ATRX: variants seen among roughly 807,000 people sequenced by gnomAD.
ATRX encodes chromatin remodeler ATRX.
In ATRX, 12 loss-of-function variants were observed where a neutral mutation model predicts 172.6. The observed-to-expected ratio is 0.07, with a 90% CI of 0.04 to 0.11. The LOEUF (loss-of-function observed/expected upper bound fraction) is 0.11, where lower values mean the gene tolerates loss of function less well. Ranked by LOEUF, ATRX falls within the 10% of genes least tolerant of loss-of-function variation. The pLI, the probability that ATRX is intolerant of heterozygous loss-of-function variation, is 1.00. For synonymous variants in ATRX, 674 were observed against 594.7 expected (o/e 1.13, Z -1.94); for missense variants, 1,368 against 1,767.4 (o/e 0.77, Z 4.05).
At chrX:77,587,827 C>A (rs1005940842) in intron 27 of ATRX, among the ~76,000 whole-genome samples, 2 of 112,024 alleles carry the variant, frequency 1.8e-5, no homozygotes, top group Non-Finnish European at 3.8e-5. Flanking sequence ...AAATAAGAGA[C>A]CTAAATAAAC....
At chrX:77,740,883 A>G (rs2074833174) in intron 1 of ATRX, among the ~76,000 whole-genome samples, 1 of 111,098 alleles carries the variant, frequency 9.0e-6, no homozygotes, top group Non-Finnish European at 1.9e-5. Flanking sequence ...TGGGAGGCCG[A>G]GGAAGGTAGG....
chrX:77,567,042 G>A (rs1416861348), intron 28 of ATRX, among the ~76,000 whole-genome samples: 1 of 111,032 alleles, frequency 9.0e-6, no homozygotes, highest in Non-Finnish European at 1.9e-5. Context: ...CCAGTAGACT[G>A]TAATAAGTGT....
intron 1 of ATRX, among the ~76,000 whole-genome samples, chrX:77,736,173 A>C (rs5913128): frequency 0.52 from 57,028 of 110,452 alleles, 12,906 homozygotes; most frequent in Non-Finnish European, 0.68. Context: ...TTTCTTGAAC[A>C]ATACCCCACA....
intron 25 of ATRX, chrX:77,596,254 T>A (rs1335581198): frequency 9.0e-6 from 1 of 111,505 alleles, no homozygotes; most frequent in Non-Finnish European, 1.9e-5. Flanking sequence ...CTTCAGATTA[T>A]GAGACCGATG....
At chrX:77,749,275 G>C (rs1252745540) in intron 1 of ATRX, among the ~76,000 whole-genome samples, 2 of 110,921 alleles carry the variant, frequency 1.8e-5, no homozygotes, top group East Asian at 5.6e-4. Flanking sequence ...CAAAAGACAT[G>C]ATTTTTTTTT....
chrX:77,633,553 T>C lies in ATRX; in HGVS notation c.4956+13A>G. ...GACTATTTTAATAATAGAAAACATT[T>C]AAAATAAGTTACCTCAAGCTTCTCA... On this transcript the variant is annotated intron_variant, in intron 18 of 34. Coordinates refer to ENST00000373344, the MANE Select transcript of ATRX (RefSeq NM_000489.6). 1 of 1,200,745 alleles carries C rather than the reference T, an allele frequency of 8.3e-7. No homozygotes were observed. The highest frequency in any genetic ancestry group is 1.8e-5 in the South Asian group (1 of 55,316).
At chrX:77,741,376 T>A (rs2074859628) in intron 1 of ATRX, among the ~76,000 whole-genome samples, 1 of 110,597 alleles carries the variant, frequency 9.0e-6, no homozygotes, top group Admixed American at 9.7e-5. Context: ...TCATATGATT[T>A]GCAAATATTT....
chrX:77,646,394 G>A (rs2068915712), intron 15 of ATRX, among the ~76,000 whole-genome samples: 2 of 111,060 alleles, frequency 1.8e-5, no homozygotes, highest in African/African-American at 6.6e-5. Context: ...TGATAATAAA[G>A]CCAGGTTCTC....
At position 77,683,498 on chromosome X, in the gene ATRX, T is replaced by C. The variant is rs781987630; in HGVS notation, c.1758A>G (p.Leu586=). Residue 586 remains leucine (L), a synonymous_variant, in exon 9 of 35, where the codon TTA becomes TTG. Transcript: ENST00000373344. The part of the protein sequence containing the change: ...SKTTAKVTKE[L]YVKLTPVSLS... ...GGGAAACAGGAGTGAGTTTAACATA[T>C]AATTCTTTTGTTACTTTAGCTGTAG... 2.2e-5 allele frequency: 27 copies of C among 1,207,076 alleles called. No individual in the cohort carries two copies. In the East Asian group the frequency reaches 6.2e-4, roughly 28 times the overall value.
At chrX:77,729,507 A>G (rs1557175118) in intron 1 of ATRX, among the ~76,000 whole-genome samples, 1 of 112,476 alleles carries the variant, frequency 8.9e-6, no homozygotes, top group African/African-American at 3.2e-5. Context: ...TTTGAGAAAT[A>G]AAGACATGTA....
chrX:77,739,170 A>G (rs1298780095), intron 1 of ATRX, among the ~76,000 whole-genome samples: 3 of 110,155 alleles, frequency 2.7e-5, no homozygotes, highest in South Asian at 3.8e-4. Flanking sequence ...CCCAAAAGCC[A>G]CTGTGTCATT....
rs782095831 is a variant in ATRX at position 77,756,937 on chromosome X, C to G, written c.20+29045G>C. On this transcript the variant is annotated intron_variant, in intron 1 of 34. Transcript: ENST00000373344. ...AGTAGCTGGGATTACAGGCACACAC[C>G]ACCACGCCTGGCTAATTTTTGTATT... 1.8e-3 allele frequency among the ~76,000 whole-genome samples: 196 copies of G among 110,196 alleles called. 2 individuals carry two copies. The highest frequency in any genetic ancestry group is 5.9e-3 in the African/African-American group (179 of 30,301).
intron 1 of ATRX, among the ~76,000 whole-genome samples, chrX:77,745,213 T>G (rs782608004): frequency 1.1e-5 from 1 of 94,360 alleles, no homozygotes; most frequent in East Asian, 3.4e-4. Context: ...AGCTACCATA[T>G]AATCCAGCAA....
chrX:77,774,100 T>C (rs1259578525), intron 1 of ATRX, among the ~76,000 whole-genome samples: 1 of 110,274 alleles, frequency 9.1e-6, no homozygotes, highest in Non-Finnish European at 1.9e-5. Context: ...GGCATGTCTG[T>C]AGTCCCAGTT....
At chrX:77,550,415 A>AG (rs1557055383) in intron 30 of ATRX, among the ~76,000 whole-genome samples, 1 of 111,612 alleles carries the variant, frequency 9.0e-6, no homozygotes, top group Non-Finnish European at 1.9e-5. Flanking sequence ...AAAATTCAAC[A>AG]ACCTTCATGC....
intron 1 of ATRX, among the ~76,000 whole-genome samples, chrX:77,779,644 G>A (rs2076498411): frequency 8.9e-6 from 1 of 112,037 alleles, no homozygotes; most frequent in Admixed American, 9.6e-5. Flanking sequence ...ACTTGACTAA[G>A]AATGCCTTAA....
intron 1 of ATRX, among the ~76,000 whole-genome samples, chrX:77,720,257 A>C (rs1336909529): frequency 1.8e-5 from 2 of 112,044 alleles, no homozygotes; most frequent in Non-Finnish European, 3.8e-5. Context: ...CCCTAACATC[A>C]TAATTAAAAC....
intron 2 of ATRX, chrX:77,698,891 T>C (rs782102031): frequency 1.0e-5 from 4 of 393,119 alleles, no homozygotes; most frequent in Middle Eastern, 3.9e-4. Flanking sequence ...AGTTTATAAA[T>C]ATTGCAAGAC....
chrX:77,618,985 A>C lies in ATRX; in HGVS notation c.5273-4T>G. On this transcript the variant is annotated splice_region_variant and splice_polypyrimidine_tract_variant and intron_variant, in intron 20 of 34. Transcript: ENST00000373344. Reference sequence around the variant, plus strand: ...ATAAAATTAACCATACAATGATCTAAGAGAGAAGACATTATTCATTAACAA... The same window carrying C: ...ATAAAATTAACCATACAATGATCTACGAGAGAAGACATTATTCATTAACAA... 4 of 1,127,414 alleles carry C rather than the reference A, an allele frequency of 3.5e-6. No individual in the cohort carries two copies. Among genetic ancestry groups the C allele is most frequent in the Non-Finnish European group, 4.9e-6 (4 of 821,955 alleles). 92.9% of individuals were successfully genotyped at this position (1,127,414 alleles called of 1,213,427 possible). A position where few individuals can be genotyped will look rare whatever the true frequency, so the allele number is the denominator to read the frequency against.
Sources: gnomAD v4.1 joint callset for allele counts (sites outside exome capture counted in the v4.1 genomes callset) on GRCh38, gnomAD v4.1.1 for gene constraint, MANE v1.5 for transcripts, NCBI Gene and HGNC (gene_info 2026-07-23, HGNC 2026-07-21) for gene names.